VDAC1: variants seen among roughly 807,000 people sequenced by gnomAD.
VDAC1 encodes the protein non-selective voltage-gated ion channel VDAC1.
Under a neutral mutation model 34.7 loss-of-function variants are expected in VDAC1, and 10 were observed. The ratio of observed to expected loss-of-function variants is 0.29; its 90% CI spans 0.18 to 0.49. VDAC1 has a LOEUF of 0.49. Among genes scored for constraint, VDAC1 ranks in the 20% least tolerant of loss-of-function variants. The pLI is 0.99. For synonymous variants in VDAC1, 130 were observed against 136.0 expected, an observed-to-expected ratio of 0.96 and a Z score of 0.30; for missense variants, 230 against 347.9, an observed-to-expected ratio of 0.66 and a Z score of 2.69.
chr5:133,980,592 G>C, intron 6 of VDAC1, 137 bp downstream of exon 6: 1 of 743,192 alleles, frequency 1.3e-6, no homozygotes. Context: ...CTCATCTAAT[G>C]CCAACAAACT....
the VDAC1 span, among the ~76,000 whole-genome samples, chr5:134,114,046 CCTGA>C: frequency 6.6e-6 from 1 of 152,156 alleles, no homozygotes; most frequent in Non-Finnish European, 1.5e-5. Context: ...GGAGCCGTCG[CCTGA>C]CTGAGGGGCC....
the VDAC1 span, among the ~76,000 whole-genome samples, chr5:134,081,211 G>A: frequency 6.6e-6 from 1 of 152,238 alleles, no homozygotes; most frequent in East Asian, 1.9e-4. Flanking sequence ...CTAATTTTTT[G>A]TATTTTTAGT....
chr5:134,101,034 C>T, the VDAC1 span, among the ~76,000 whole-genome samples: 1 of 152,266 alleles, frequency 6.6e-6, no homozygotes, highest in Non-Finnish European at 1.5e-5. Flanking sequence ...AACTATTCTG[C>T]AAGACCACCA....
chr5:134,112,408 G>A, the VDAC1 span, among the ~76,000 whole-genome samples: 1 of 152,296 alleles, frequency 6.6e-6, no homozygotes, highest in Middle Eastern at 3.4e-3. Context: ...CCCTTAGCAA[G>A]CCTTCAGACT....
chr5:134,046,639 G>A, the VDAC1 span, among the ~76,000 whole-genome samples: 1 of 152,224 alleles, frequency 6.6e-6, no homozygotes, highest in Non-Finnish European at 1.5e-5. Context: ...AAGGTTTAAT[G>A]GGCTTGACCA....
At chr5:134,013,406 G>T in the VDAC1 span, among the ~76,000 whole-genome samples, 1 of 152,122 alleles carries the variant, frequency 6.6e-6, no homozygotes, top group Admixed American at 6.6e-5. Context: ...CTGCACTCCA[G>T]CCTTGGTGAC....
At chr5:134,030,604 C>CTTTTT in the VDAC1 span, among the ~76,000 whole-genome samples, 3 of 107,712 alleles carry the variant, frequency 2.8e-5, no homozygotes, top group Admixed American at 2.9e-4. Flanking sequence ...TTCTTTCTTT[C>CTTTTT]TTTTTTTTTT....
At chr5:134,017,651 C>T in the VDAC1 span, among the ~76,000 whole-genome samples, 9 of 152,014 alleles carry the variant, frequency 5.9e-5, no homozygotes, top group South Asian at 1.0e-3. Flanking sequence ...TGGTGGCTCA[C>T]GCTTGTAATC....
At chr5:134,091,891 G>A in the VDAC1 span, among the ~76,000 whole-genome samples, 1 of 152,218 alleles carries the variant, frequency 6.6e-6, no homozygotes, top group African/African-American at 2.4e-5. Flanking sequence ...ATAAGCCCAC[G>A]CAGGCTGCAC....
chr5:134,054,992 T>C, the VDAC1 span, among the ~76,000 whole-genome samples: 1 of 152,184 alleles, frequency 6.6e-6, no homozygotes, highest in African/African-American at 2.4e-5. Flanking sequence ...GTTCCTTTAT[T>C]GTTCAGTCAT....
the VDAC1 span, among the ~76,000 whole-genome samples, chr5:134,062,282 G>C: frequency 6.6e-6 from 1 of 151,774 alleles, no homozygotes; most frequent in African/African-American, 2.4e-5. Flanking sequence ...ACTTTGCCTG[G>C]CTGGTCAAGA....
chr5:133,976,269 G>T lies in VDAC1; in HGVS notation c.552-248C>A, dbSNP rs544124331. On this transcript the variant is annotated intron_variant, in intron 6 of 8. Coordinates refer to ENST00000265333, the MANE Select transcript of VDAC1 (RefSeq NM_003374.3). ...ACCTGTAATCCCAGCACTTTGGGAG[G>T]CCGAGATGGGCAGATCACTTGAGGT... 14 of 398,940 alleles carry T rather than the reference G, an allele frequency of 3.5e-5. No individual in the cohort carries two copies. In the East Asian group the frequency reaches 6.9e-4, roughly 20 times the overall value. The allele number at this position is 398,940 out of a possible 1,614,324, so 24.7% of individuals were successfully genotyped here.
At chr5:134,064,475 T>C in the VDAC1 span, among the ~76,000 whole-genome samples, 1 of 151,984 alleles carries the variant, frequency 6.6e-6, no homozygotes, top group South Asian at 2.1e-4. Context: ...TGGCTAATTT[T>C]TGTATTTTAG....
chr5:134,052,600 A>C, the VDAC1 span, among the ~76,000 whole-genome samples: 1 of 152,274 alleles, frequency 6.6e-6, no homozygotes. Flanking sequence ...ATATTAAATA[A>C]GTTTGCATGC....
At chr5:134,014,592 G>T in the VDAC1 span, among the ~76,000 whole-genome samples, 1 of 152,196 alleles carries the variant, frequency 6.6e-6, no homozygotes, top group Non-Finnish European at 1.5e-5. Flanking sequence ...TCATGGCTGA[G>T]TGCGGTGGCT....
chr5:134,019,538 C>T, the VDAC1 span, among the ~76,000 whole-genome samples: 110 of 152,260 alleles, frequency 7.2e-4, 1 homozygote, highest in East Asian at 0.02. Flanking sequence ...CATGATCGTA[C>T]CACTGTGATG....
chr5:134,099,020 T>C, the VDAC1 span, among the ~76,000 whole-genome samples: 1 of 152,166 alleles, frequency 6.6e-6, no homozygotes, highest in Non-Finnish European at 1.5e-5. Context: ...CCGCTGGGGC[T>C]GCACAAATAC....
intron 1 of VDAC1, among the ~76,000 whole-genome samples, chr5:134,004,122 C>A (rs891658835): frequency 6.6e-6 from 1 of 152,086 alleles, no homozygotes; most frequent in African/African-American, 2.4e-5. Context: ...CCAGCTTCTG[C>A]GGGCGTGGGC....
chr5:134,072,216 C>T, the VDAC1 span, among the ~76,000 whole-genome samples: 1 of 152,142 alleles, frequency 6.6e-6, no homozygotes, highest in South Asian at 2.1e-4. Context: ...GTTGGGCTTA[C>T]AACCATGAAC....
Sources: gnomAD v4.1 joint callset for allele counts (sites outside exome capture counted in the v4.1 genomes callset) on GRCh38, gnomAD v4.1.1 for gene constraint, MANE v1.5 for transcripts, NCBI Gene and HGNC (gene_info 2026-07-23, HGNC 2026-07-21) for gene names.